The following NTM variants were observed in gnomAD, a reference collection of about 807,000 sequenced individuals.
NTM encodes the protein neurotrimin, also known as IgLON family member 2.
In NTM, 13 loss-of-function variants were observed where a neutral mutation model predicts 42.1. That is an observed-to-expected ratio of 0.31 (90% CI 0.20 to 0.49). The LOEUF (loss-of-function observed/expected upper bound fraction) is 0.49. Among genes scored for constraint, NTM ranks in the 20% least tolerant of loss-of-function variants. The pLI, the probability that NTM is intolerant of heterozygous loss-of-function variation, is 0.99. For missense variants in NTM, 373 were observed against 452.8 expected (o/e 0.82, Z 1.60); for synonymous variants, 187 against 179.2 (o/e 1.04, Z -0.35).
intron 4 of NTM, among the ~76,000 whole-genome samples, chr11:132,276,517 G>T (rs1427845786): frequency 6.6e-6 from 1 of 152,138 alleles, no homozygotes. Flanking sequence ...GAGGAGAGTG[G>T]CTTACTGTGC....
chr11:131,601,953 G>C (rs1316132739), intron 1 of NTM, among the ~76,000 whole-genome samples: 1 of 152,140 alleles, frequency 6.6e-6, no homozygotes, highest in Non-Finnish European at 1.5e-5. Flanking sequence ...CCTAAACAGG[G>C]TGCCATATGG....
At position 132,286,433 on chromosome 11, in the gene NTM, G is replaced by T. The variant is rs79369752; in HGVS notation, c.527-21256G>T. On this transcript the variant is annotated intron_variant, in intron 4 of 8. Transcript: ENST00000683400. The stretch of plus-strand genomic sequence containing the variant: ...GAATGAAGGATTGAAAGATTCAAAG[G>T]AAGGAGATTTAGGAGTAACACAGAA... 6.2e-3 allele frequency among the ~76,000 whole-genome samples: 951 copies of T among 152,220 alleles called. 10 individuals are homozygous for T. The highest frequency in any genetic ancestry group is 0.022 in the African/African-American group (909 of 41,522).
chr11:132,330,732 G>T (rs138695799), intron 8 of NTM, among the ~76,000 whole-genome samples: 1 of 152,124 alleles, frequency 6.6e-6, no homozygotes, highest in African/African-American at 2.4e-5. Flanking sequence ...ACTCATCACC[G>T]TTCTCTGGGA....
chr11:131,557,085 A>G (rs2055542127), intron 1 of NTM, among the ~76,000 whole-genome samples: 1 of 151,982 alleles, frequency 6.6e-6, no homozygotes, highest in Non-Finnish European at 1.5e-5. Flanking sequence ...GTGTGTCATG[A>G]CAGCCAGAGG....
At chr11:131,856,002 A>G (rs1000788922) in intron 1 of NTM, among the ~76,000 whole-genome samples, 1 of 152,240 alleles carries the variant, frequency 6.6e-6, no homozygotes, top group Non-Finnish European at 1.5e-5. Flanking sequence ...GTGAGTGTCC[A>G]ATAAATGTTT....
intron 1 of NTM, among the ~76,000 whole-genome samples, chr11:131,519,181 G>A (rs867776128): frequency 1.3e-5 from 2 of 150,506 alleles, no homozygotes; most frequent in Admixed American, 6.6e-5. Flanking sequence ...TGAGAGCCAG[G>A]GGACATATCT....
chr11:131,711,846 T>C (rs1288825045), intron 1 of NTM, among the ~76,000 whole-genome samples: 6 of 151,026 alleles, frequency 4.0e-5, no homozygotes, highest in African/African-American at 9.7e-5. Flanking sequence ...ATGGATGAAA[T>C]TGGAAATCAT....
chr11:132,070,444 C>A (rs2057385457), intron 2 of NTM, among the ~76,000 whole-genome samples: 1 of 135,322 alleles, frequency 7.4e-6, no homozygotes, highest in Non-Finnish European at 1.6e-5. Context: ...TAACACGTCA[C>A]ACAGCCAAGT....
chr11:132,065,851 T>C (rs914322949), intron 2 of NTM, among the ~76,000 whole-genome samples: 2 of 152,230 alleles, frequency 1.3e-5, no homozygotes, highest in African/African-American at 4.8e-5. Context: ...CTCAGAAAGG[T>C]ACAGAAACTT....
intron 1 of NTM, among the ~76,000 whole-genome samples, chr11:131,870,776 T>C (rs1314266645): frequency 1.3e-5 from 2 of 152,160 alleles, no homozygotes; most frequent in Admixed American, 6.5e-5. Flanking sequence ...GAAATGAGCC[T>C]AAGAAATAAC....
At chr11:132,117,930 C>T (rs1243205477) in intron 2 of NTM, among the ~76,000 whole-genome samples, 1 of 152,310 alleles carries the variant, frequency 6.6e-6, no homozygotes, top group Non-Finnish European at 1.5e-5. Context: ...TGTGCTCATA[C>T]CCTCAAGTAC....
intron 1 of NTM, among the ~76,000 whole-genome samples, chr11:131,604,901 T>C (rs1592197849): frequency 1.8e-5 from 1 of 54,914 alleles, no homozygotes; most frequent in African/African-American, 3.3e-5. Flanking sequence ...CTGGACTCTA[T>C]TCTATTTCAT....
intron 1 of NTM, chr11:131,910,727 T>G: frequency 3.4e-6 from 2 of 584,018 alleles, no homozygotes; most frequent in Non-Finnish European, 4.3e-6. Flanking sequence ...GCTACCGAGC[T>G]TGGGGCCGCC....
At chr11:131,389,908 C>T (rs1943795588) in intron 1 of NTM, among the ~76,000 whole-genome samples, 1 of 152,092 alleles carries the variant, frequency 6.6e-6, no homozygotes, top group Non-Finnish European at 1.5e-5. Context: ...GGAAAGGAGA[C>T]CAGAAGGGTG....
rs1490499268 is a variant in NTM at position 131,795,810 on chromosome 11, C to T, written c.83-115754C>T. On this transcript the variant is annotated intron_variant, in intron 1 of 8. Coordinates refer to ENST00000683400, the MANE Select transcript of NTM (RefSeq NM_001352005.2). Reference sequence around the variant, plus strand: ...GTTGGGGGGTGGTGGGAGCACAGAACTCTCAGAGTGATGGAATGCCTGCAC... The same window carrying T: ...GTTGGGGGGTGGTGGGAGCACAGAATTCTCAGAGTGATGGAATGCCTGCAC... 3.0e-6 allele frequency: 3 copies of T among 985,260 alleles called. No individual in the cohort carries two copies. In the African/African-American group the frequency reaches 5.2e-5, roughly 17 times the overall value. 61.0% of individuals were successfully genotyped at this position (985,260 alleles called of 1,614,324 possible). A position where few individuals can be genotyped will look rare whatever the true frequency, so the allele number is the denominator to read the frequency against.
chr11:131,911,187 GCGCGCTTCCCCCTCCTCGGCCA>G, intron 1 of NTM: 2 of 1,351,688 alleles, frequency 1.5e-6, no homozygotes, highest in Non-Finnish European at 1.9e-6. Flanking sequence ...TTCACCTGCC[GCGCGCTTCCCCCTCCTCGGCCA>G]CCTTCCCGGC....
In NTM at chr11:131,595,367, G is replaced by A. The variant is rs188634965; in HGVS notation, c.82+224479G>A. Among the ~76,000 whole-genome samples, 5 of 152,302 alleles carry A rather than the reference G, an allele frequency of 3.3e-5. No homozygotes were observed. In the East Asian group the frequency reaches 5.8e-4, roughly 18 times the overall value. On this transcript the variant is annotated intron_variant, in intron 1 of 8. Transcript: ENST00000683400. ...TTCAAGAGGGCTGAGCAGTTCACACGGAGGGGAAAAAAGACCCTGAAATTA... is the reference window on the plus strand; with the variant it reads ...TTCAAGAGGGCTGAGCAGTTCACACAGAGGGGAAAAAAGACCCTGAAATTA...
At chr11:131,749,863 G>T (rs1326286270) in intron 1 of NTM, among the ~76,000 whole-genome samples, 2 of 152,226 alleles carry the variant, frequency 1.3e-5, no homozygotes, top group Non-Finnish European at 2.9e-5. Flanking sequence ...GCCTCCCAAA[G>T]TGCTGGGATT....
chr11:132,303,147 A>G (rs2094928442), intron 4 of NTM, among the ~76,000 whole-genome samples: 1 of 152,274 alleles, frequency 6.6e-6, no homozygotes, highest in African/African-American at 2.4e-5. Context: ...CAGAACAGCC[A>G]GAGGCACCAA....
Sources: allele counts gnomAD v4.1 joint callset (sites outside exome capture counted in the v4.1 genomes callset), GRCh38; gene constraint gnomAD v4.1.1; transcripts MANE v1.5; gene names NCBI Gene and HGNC (gene_info 2026-07-23, HGNC 2026-07-21).